CEACAM5: variants seen among roughly 807,000 people sequenced by gnomAD.
The protein encoded by CEACAM5 is CEA cell adhesion molecule 5, also known as cell adhesion molecule CEACAM5.
Under a neutral mutation model 63.0 loss-of-function variants are expected in CEACAM5, and 52 were observed. That is an observed-to-expected ratio of 0.83 (90% confidence interval 0.66 to 1.04). The LOEUF (loss-of-function observed/expected upper bound fraction) is 1.04, where lower values mean the gene tolerates loss of function less well. CEACAM5 is among the 50% of genes least tolerant of loss of function. The pLI, the probability that CEACAM5 is intolerant of heterozygous loss-of-function variation, is 0.00. For synonymous variants in CEACAM5, 357 were observed against 351.3 expected (o/e 1.02, Z -0.18); for missense variants, 790 against 864.8 (o/e 0.91, Z 1.08).
In CEACAM5 at chr19:41,719,493, C is replaced by T. The variant is rs1555815708; in HGVS notation, c.1493-437C>T. On this transcript the variant is annotated intron_variant, in intron 6 of 9. Coordinates refer to ENST00000221992, the MANE Select transcript of CEACAM5 (RefSeq NM_004363.6). ...CTATTTCTGCTTAAACACCCATCCC[C>T]GTCATCACCCATCTCCAGGATAGCC... Among the ~76,000 whole-genome samples, 6 of 152,266 alleles carry T rather than the reference C, an allele frequency of 3.9e-5. No homozygotes were observed. The South Asian group carries it at 1.2e-3, about 32-fold the overall frequency.
At chr19:41,710,143 C>T (rs1450189033) in intron 2 of CEACAM5, 104 bp downstream of exon 2, 14 of 1,490,340 alleles carry the variant, frequency 9.4e-6, no homozygotes, top group Admixed American at 2.1e-5. Flanking sequence ...CTGCATTACG[C>T]ACCATGTTAG....
chr19:41,709,901 A>G lies in CEACAM5; in HGVS notation c.286A>G (p.Ser96Gly), dbSNP rs755587636. The change falls in exon 2 of 10, where the codon AGT (serine) becomes GGT (glycine). Residue 96 changes from serine (S) to glycine (G), a missense_variant. Physicochemically the swap from Ser to Gly is moderately conservative, Grantham distance 56. Transcript: ENST00000221992. Reference protein sequence around the residue: ...TQQATPGPAYSGREIIYPNAS... With the variant: ...TQQATPGPAYGGREIIYPNAS... ...ACAAGCTACCCCAGGGCCCGCATAC[A>G]GTGGTCGAGAGATAATATACCCCAA... The G allele has an allele frequency of 8.2e-5, 133 of 1,613,998 alleles. No individual in the cohort carries two copies. Among genetic ancestry groups the G allele is most frequent in the Middle Eastern group, 8.2e-4 (5 of 6,084 alleles).
At chr19:41,725,245 C>A (rs2072682601) in intron 8 of CEACAM5, among the ~76,000 whole-genome samples, 1 of 151,864 alleles carries the variant, frequency 6.6e-6, no homozygotes, top group South Asian at 2.1e-4. Flanking sequence ...AGGAATTTGT[C>A]CATTTCATCT....
Position 41,720,222 on chromosome 19 carries a change from G to C in CEACAM5, c.1771+14G>C. The C allele has an allele frequency of 1.2e-6, 2 of 1,609,836 alleles. No individual in the cohort carries two copies. Among genetic ancestry groups the C allele is most frequent in the Non-Finnish European group, 1.7e-6 (2 of 1,176,748 alleles). ...TGGATGTCCTCTGTGAGTATCTTCT[G>C]TTCCTCTGTGGCCCTGGTTTCCAAC... is the stretch of plus-strand genomic sequence containing the variant. On this transcript the variant is annotated intron_variant, in intron 7 of 9. Transcript: ENST00000221992.
rs1555815289 is a variant in CEACAM5 at position 41,717,637 on chromosome 19, C to T, written c.1141C>T (p.Leu381Phe). ...CAATGACAACAGGACCCTCACTCTACTCAGTGTCACAAGGAATGATGTAGG... is the reference window on the plus strand; with the variant it reads ...CAATGACAACAGGACCCTCACTCTATTCAGTGTCACAAGGAATGATGTAGG... Reference protein sequence around the residue: ...LSNDNRTLTLLSVTRNDVGPY... With the variant: ...LSNDNRTLTLFSVTRNDVGPY... Residue 381 changes from leucine (L) to phenylalanine (F), a missense_variant, in exon 5 of 10, where the codon CTC becomes TTC. Coordinates refer to ENST00000221992, the MANE Select transcript of CEACAM5 (RefSeq NM_004363.6). 6.2e-7 allele frequency: 1 copy of T among 1,614,216 alleles called. No individual in the cohort carries two copies. Among genetic ancestry groups the T allele is most frequent in the Non-Finnish European group, 8.5e-7 (1 of 1,180,030 alleles).
At chr19:41,711,637 G>A (rs1026014305) in intron 2 of CEACAM5, among the ~76,000 whole-genome samples, 3 of 152,178 alleles carry the variant, frequency 2.0e-5, no homozygotes, top group South Asian at 2.1e-4. Context: ...GGTCCTGGTC[G>A]GGACAGCCAA....
At chr19:41,727,149 G>C in intron 8 of CEACAM5, 85 bp from the exon 9 acceptor site, 1 of 992,890 alleles carries the variant, frequency 1.0e-6, no homozygotes, top group Non-Finnish European at 1.6e-6. Flanking sequence ...ACTGCTTCAT[G>C]CTGAGAGCTG....
At position 41,717,728 on chromosome 19, in the gene CEACAM5, T is replaced by C; in HGVS notation, c.1232T>C (p.Val411Ala). The C allele has an allele frequency of 2.5e-6, 4 of 1,613,740 alleles. No individual in the cohort carries two copies. Among genetic ancestry groups the C allele is most frequent in the Non-Finnish European group, 3.4e-6 (4 of 1,179,694 alleles). The change falls in exon 5 of 10, where the codon GTC becomes GCC. Residue 411 changes from valine to alanine, a missense_variant. Coordinates refer to ENST00000221992, the MANE Select transcript of CEACAM5 (RefSeq NM_004363.6). ...CACAGCGACCCAGTCATCCTGAATGTCCTCTGTGAGTATCTTCTGTTCCTC... is the reference window on the plus strand; with the variant it reads ...CACAGCGACCCAGTCATCCTGAATGCCCTCTGTGAGTATCTTCTGTTCCTC... ...VDHSDPVILN[V>A]LYGPDDPTIS...
At chr19:41,726,250 T>C (rs782422331) in intron 8 of CEACAM5, among the ~76,000 whole-genome samples, 8 of 152,226 alleles carry the variant, frequency 5.3e-5, no homozygotes, top group Non-Finnish European at 1.0e-4. Flanking sequence ...TATATGACTT[T>C]GGATAAGTTT....
At chr19:41,710,687 G>A (rs1294246290) in intron 2 of CEACAM5, among the ~76,000 whole-genome samples, 1 of 152,146 alleles carries the variant, frequency 6.6e-6, no homozygotes, top group Non-Finnish European at 1.5e-5. Flanking sequence ...TTGCCCTGGG[G>A]ACATAGGTGA....
chr19:41,725,337 G>A (rs1354099656), intron 8 of CEACAM5, among the ~76,000 whole-genome samples: 1 of 150,978 alleles, frequency 6.6e-6, no homozygotes, highest in African/African-American at 2.4e-5. Context: ...TTGTAGCATT[G>A]GTAGCAATAT....
At chr19:41,727,648 C>T (rs1555817298) in intron 9 of CEACAM5, among the ~76,000 whole-genome samples, 1 of 152,198 alleles carries the variant, frequency 6.6e-6, no homozygotes, top group African/African-American at 2.4e-5. Context: ...GTGTCATTCT[C>T]TCCATTCCCA....
At chr19:41,720,875 C>A (rs782108522) in intron 7 of CEACAM5, 47 bp from the exon 8 acceptor site, 10 of 1,605,218 alleles carry the variant, frequency 6.2e-6, no homozygotes, top group Admixed American at 1.7e-5. Flanking sequence ...AGGAGCTTCC[C>A]CTTTCCTCTG....
At chr19:41,725,566 T>C (rs1448413933) in intron 8 of CEACAM5, among the ~76,000 whole-genome samples, 1 of 152,102 alleles carries the variant, frequency 6.6e-6, no homozygotes, top group Non-Finnish European at 1.5e-5. Flanking sequence ...AGACACTGTG[T>C]CTGCCTATGT....
chr19:41,709,588 GGATGAAGA>G, intron 1 of CEACAM5, 84 bp from the exon 2 acceptor site: 1 of 1,528,046 alleles, frequency 6.5e-7, no homozygotes, highest in Non-Finnish European at 8.8e-7. Flanking sequence ...CAGGGCTGGG[GGATGAAGA>G]GACCTGCTCA....
chr19:41,722,324 A>G lies in CEACAM5; in HGVS notation c.2026+1148A>G, dbSNP rs1253598324. Among the ~76,000 whole-genome samples, 6 of 148,376 alleles carry G rather than the reference A, an allele frequency of 4.0e-5. No individual in the cohort carries two copies. The East Asian group carries it at 1.2e-3, about 29-fold the overall frequency. On this transcript the variant is annotated intron_variant, in intron 8 of 9. Transcript: ENST00000221992. ...GTTTGCAGTGAGCCGAGATTGAGCC[A>G]CTGCACTCCAGCCTGGGTGACAGAG...
Position 41,717,655 on chromosome 19 carries a change from G to A in CEACAM5, c.1159G>A (p.Asp387Asn), listed in dbSNP as rs782351981. ...CACTCTACTCAGTGTCACAAGGAAT[G>A]ATGTAGGACCCTATGAGTGTGGAAT... is the stretch of plus-strand genomic sequence containing the variant. The part of the protein sequence containing the change: ...TLTLLSVTRN[D>N]VGPYECGIQN... The change falls in exon 5 of 10, where the codon GAT (aspartate) becomes AAT (asparagine). Residue 387 changes from aspartate to asparagine, a missense_variant. Physicochemically the swap from Asp to Asn is conservative, Grantham distance 23 (BLOSUM62 1). Transcript: ENST00000221992. 2.5e-6 allele frequency: 4 copies of A among 1,614,114 alleles called. No individual in the cohort carries two copies. The African/African-American group carries it at 5.3e-5, about 22-fold the overall frequency.
At chr19:41,714,664 T>C (rs2072489798) in intron 2 of CEACAM5, among the ~76,000 whole-genome samples, 1 of 152,106 alleles carries the variant, frequency 6.6e-6, no homozygotes, top group African/African-American at 2.4e-5. Flanking sequence ...AGTCAACTGG[T>C]CAGGGAGGGA....
At chr19:41,713,089 A>C (rs1039896389) in intron 2 of CEACAM5, among the ~76,000 whole-genome samples, 1 of 152,130 alleles carries the variant, frequency 6.6e-6, no homozygotes, top group Admixed American at 6.5e-5. Context: ...GGAAGATCAC[A>C]AAGTCAAGAG....
Sources: allele counts gnomAD v4.1 joint callset (sites outside exome capture counted in the v4.1 genomes callset), GRCh38; gene constraint gnomAD v4.1.1; transcripts MANE v1.5; gene names NCBI Gene and HGNC (gene_info 2026-07-23, HGNC 2026-07-21).